ATP8A2: variants seen among roughly 807,000 people sequenced by gnomAD.
ATP8A2 encodes ATPase phospholipid transporting 8A2.
Under a neutral mutation model 165.6 loss-of-function variants are expected in ATP8A2, and 100 were observed. The ratio of observed to expected loss-of-function variants is 0.60; its 90% CI spans 0.51 to 0.71. The LOEUF is 0.71. Among genes scored for constraint, ATP8A2 ranks in the 30% least tolerant of loss-of-function variants. The probability of loss-of-function intolerance (pLI) is 0.00; values close to 1 mark genes in which losing one functional copy is unlikely to be tolerated. For missense variants in ATP8A2, 1,227 were observed against 1,479.5 expected (o/e 0.83, Z 2.80); for synonymous variants, 543 against 548.8 (o/e 0.99, Z 0.15).
chr13:25,797,861 A>T (rs1950529120), intron 27 of ATP8A2, among the ~76,000 whole-genome samples: 1 of 152,070 alleles, frequency 6.6e-6, no homozygotes, highest in African/African-American at 2.4e-5. Flanking sequence ...ATATTTCATT[A>T]TAACTGAAGG....
chr13:25,418,149 C>T (rs2034188690), intron 1 of ATP8A2, among the ~76,000 whole-genome samples: 1 of 152,190 alleles, frequency 6.6e-6, no homozygotes, highest in African/African-American at 2.4e-5. Flanking sequence ...GAACCAAGGT[C>T]TCCCTGACCA....
intron 35 of ATP8A2, among the ~76,000 whole-genome samples, chr13:25,993,435 A>G (rs1011059691): frequency 1.3e-5 from 2 of 152,242 alleles, no homozygotes; most frequent in Non-Finnish European, 2.9e-5. Context: ...AAGGGTATTC[A>G]ATTAGGAAAA....
At chr13:25,549,459 CAAAA>C (rs371766419) in intron 10 of ATP8A2, among the ~76,000 whole-genome samples, 2 of 61,400 alleles carry the variant, frequency 3.3e-5, no homozygotes, top group Non-Finnish European at 3.5e-5. Context: ...GACTCTGTCT[CAAAA>C]AAAAAAAAAA....
chr13:25,921,219 C>G (rs1275193818), intron 33 of ATP8A2, among the ~76,000 whole-genome samples: 2 of 152,288 alleles, frequency 1.3e-5, no homozygotes, highest in South Asian at 4.1e-4. Flanking sequence ...CAAAATTTAA[C>G]AGTGAGGCTA....
At chr13:25,912,195 CAG>C (rs201200282) in intron 33 of ATP8A2, among the ~76,000 whole-genome samples, 2,524 of 109,918 alleles carry the variant, frequency 0.023, 71 homozygotes, top group African/African-American at 0.11. Context: ...CACACACACA[CAG>C]TGGAATAGTC....
At chr13:25,940,102 G>A (rs3783131) in intron 33 of ATP8A2, among the ~76,000 whole-genome samples, 67,285 of 151,956 alleles carry the variant, frequency 0.44, 16,541 homozygotes, top group East Asian at 0.7. Flanking sequence ...CTCGAGTGGC[G>A]CTGGCAGTTG....
At chr13:25,761,995 C>T (rs572776409) in intron 25 of ATP8A2, among the ~76,000 whole-genome samples, 3 of 152,084 alleles carry the variant, frequency 2.0e-5, no homozygotes, top group South Asian at 4.2e-4. Context: ...GGTGTGATGG[C>T]TCATGCCTGT....
At chr13:25,472,321 G>A (rs1392945360) in intron 2 of ATP8A2, among the ~76,000 whole-genome samples, 1 of 150,976 alleles carries the variant, frequency 6.6e-6, no homozygotes, top group Non-Finnish European at 1.5e-5. Flanking sequence ...TTGAATCCAG[G>A]AGGCAGAGAT....
intron 2 of ATP8A2, among the ~76,000 whole-genome samples, chr13:25,472,415 A>G (rs2035872963): frequency 6.8e-6 from 1 of 148,144 alleles, no homozygotes. Context: ...AAAAAAATTG[A>G]TTATAAAGCT....
chr13:25,677,707 G>C (rs2042400050), intron 24 of ATP8A2, among the ~76,000 whole-genome samples: 1 of 152,166 alleles, frequency 6.6e-6, no homozygotes, highest in African/African-American at 2.4e-5. Context: ...CTCTGTTATA[G>C]TTTTCTATAG....
intron 1 of ATP8A2, among the ~76,000 whole-genome samples, chr13:25,414,730 G>T (rs2034083257): frequency 6.6e-6 from 1 of 152,152 alleles, no homozygotes; most frequent in Non-Finnish European, 1.5e-5. Flanking sequence ...ATTCCAAACT[G>T]CAAAGTCTCA....
chr13:25,593,969 A>G (rs2040164526), intron 24 of ATP8A2, among the ~76,000 whole-genome samples: 1 of 152,218 alleles, frequency 6.6e-6, no homozygotes, highest in Non-Finnish European at 1.5e-5. Flanking sequence ...CAGCTACTTG[A>G]TAGTTAAAAC....
chr13:25,640,251 A>G (rs1468126171), intron 24 of ATP8A2, among the ~76,000 whole-genome samples: 1 of 152,196 alleles, frequency 6.6e-6, no homozygotes, highest in Non-Finnish European at 1.5e-5. Flanking sequence ...AATAACTAAG[A>G]TCAGAGCAGA....
chr13:25,877,928 T>A (rs190166718), intron 33 of ATP8A2, among the ~76,000 whole-genome samples: 11 of 152,340 alleles, frequency 7.2e-5, no homozygotes, highest in Admixed American at 6.5e-4. Context: ...CACCTGTGTA[T>A]ACAGAGAACC....
chr13:25,878,550 T>A (rs923030244), intron 33 of ATP8A2, among the ~76,000 whole-genome samples: 1 of 148,734 alleles, frequency 6.7e-6, no homozygotes, highest in Admixed American at 6.8e-5. Flanking sequence ...TGGTGGGTTT[T>A]GGCTGGCTTC....
At chr13:25,993,245 A>T (rs559218523) in intron 35 of ATP8A2, among the ~76,000 whole-genome samples, 1 of 152,262 alleles carries the variant, frequency 6.6e-6, no homozygotes, top group East Asian at 1.9e-4. Flanking sequence ...CTAGTTCTAG[A>T]TCCCTGAGGA....
intron 2 of ATP8A2, among the ~76,000 whole-genome samples, chr13:25,516,532 C>T (rs188234479): frequency 9.9e-5 from 15 of 152,272 alleles, no homozygotes; most frequent in African/African-American, 4.8e-5. Flanking sequence ...GAGTTTCACA[C>T]GCTGACCTGT....
At chr13:25,618,652 A>G (rs1015866855) in intron 24 of ATP8A2, among the ~76,000 whole-genome samples, 5 of 147,240 alleles carry the variant, frequency 3.4e-5, no homozygotes, top group Admixed American at 6.8e-5. Flanking sequence ...AAACCCAATT[A>G]TGTCCCTCCA....
intron 27 of ATP8A2, among the ~76,000 whole-genome samples, chr13:25,810,868 T>A (rs2138512247): frequency 6.6e-6 from 1 of 152,276 alleles, no homozygotes; most frequent in Admixed American, 6.5e-5. Context: ...TGATTATGTC[T>A]ATCCCATCAA....
Sources: allele counts gnomAD v4.1 joint callset (sites outside exome capture counted in the v4.1 genomes callset), GRCh38; gene constraint gnomAD v4.1.1; transcripts MANE v1.5; gene names NCBI Gene and HGNC (gene_info 2026-07-23, HGNC 2026-07-21).